Variants in TULP4 observed in about 807,000 individuals in gnomAD.
TULP4 encodes the protein tubby-related protein 4.
In TULP4, 16 loss-of-function variants were observed where a neutral mutation model predicts 129.0. That is an observed-to-expected ratio of 0.12 (90% CI 0.08 to 0.19). TULP4 has a LOEUF of 0.19. TULP4 is among the 10% of genes least tolerant of loss of function. The probability of loss-of-function intolerance (pLI) is 1.00; values close to 1 mark genes in which losing one functional copy is unlikely to be tolerated. For missense variants in TULP4, 1,842 were observed against 2,059.1 expected, an observed-to-expected ratio of 0.89 and a Z score of 2.04; for synonymous variants, 998 against 854.0, an observed-to-expected ratio of 1.17 and a Z score of -2.94.
chr6:158,339,693 G>T (rs989693515), intron 1 of TULP4, among the ~76,000 whole-genome samples: 1 of 151,996 alleles, frequency 6.6e-6, no homozygotes, highest in Non-Finnish European at 1.5e-5. Flanking sequence ...TGTCCTGTGC[G>T]GCCCACAGGC....
intron 1 of TULP4, among the ~76,000 whole-genome samples, chr6:158,325,388 T>C (rs1779723787): frequency 6.6e-6 from 1 of 150,434 alleles, no homozygotes; most frequent in Non-Finnish European, 1.5e-5. Context: ...AGTCTTACTC[T>C]GTCTCCCAGG....
At chr6:158,451,104 A>G (rs1314056561) in intron 4 of TULP4, among the ~76,000 whole-genome samples, 1 of 150,930 alleles carries the variant, frequency 6.6e-6, no homozygotes, top group African/African-American at 2.4e-5. Context: ...AAAAGAAAGG[A>G]AAAAAAAACA....
chr6:158,351,480 G>A (rs942916569), intron 1 of TULP4, among the ~76,000 whole-genome samples: 1 of 152,124 alleles, frequency 6.6e-6, no homozygotes, highest in African/African-American at 2.4e-5. Flanking sequence ...AATTAAAATT[G>A]TATTGCCTGT....
chr6:158,432,096 G>GA (rs762591940), intron 3 of TULP4, among the ~76,000 whole-genome samples: 22,845 of 105,060 alleles, frequency 0.22, 2,642 homozygotes, highest in Middle Eastern at 0.29. Flanking sequence ...CCCCATCTCT[G>GA]AAAAAAAAAA....
upstream of TULP4, among the ~76,000 whole-genome samples, chr6:158,309,857 T>C (rs1318195210): frequency 7.6e-6 from 1 of 132,126 alleles, no homozygotes. Flanking sequence ...CAGCTTCGGC[T>C]TGGCATCAGA....
At chr6:158,476,420 C>A (rs600752) in intron 6 of TULP4, among the ~76,000 whole-genome samples, 17,061 of 152,206 alleles carry the variant, frequency 0.11, 1,046 homozygotes, top group African/African-American at 0.13. Flanking sequence ...TAATTTCAGC[C>A]CTTTTTCTCC....
chr6:158,501,949 A>C lies in TULP4; in HGVS notation c.2286A>C (p.Glu762Asp). ...NPGQVIFGSVEMGRIIQNPPP... is the reference protein window; with the variant it reads ...NPGQVIFGSVDMGRIIQNPPP... ...GACAGGTGATTTTCGGAAGCGTGGA[A>C]ATGGGCCGCATCATTCAGAACCCCC... is the stretch of plus-strand genomic sequence containing the variant. The change falls in exon 13 of 14, where the codon GAA (glutamate) becomes GAC (aspartate). Residue 762 changes from glutamate to aspartate, a missense_variant. Glu to Asp is a conservative substitution (Grantham distance 45). Coordinates refer to ENST00000367097, the MANE Select transcript of TULP4 (RefSeq NM_020245.5). 6.2e-7 allele frequency: 1 copy of C among 1,613,934 alleles called. No homozygotes were observed. The highest frequency in any genetic ancestry group is 8.5e-7 in the Non-Finnish European group (1 of 1,179,962).
chr6:158,376,295 G>A (rs560067649), intron 1 of TULP4, among the ~76,000 whole-genome samples: 134 of 152,300 alleles, frequency 8.8e-4, no homozygotes, highest in African/African-American at 2.5e-3. Flanking sequence ...GGCCACAGTC[G>A]AATGGTGGGT....
At chr6:158,454,703 T>A (rs565083201) in intron 5 of TULP4, among the ~76,000 whole-genome samples, 2 of 152,114 alleles carry the variant, frequency 1.3e-5, no homozygotes, top group African/African-American at 4.8e-5. Context: ...CCTCCCAGTT[T>A]CAAGTGATTC....
Position 158,238,092 on chromosome 6 carries a change from A to G in TULP4, n.68+5789A>G, listed in dbSNP as rs996120146. ...TATTAAATCTTCTTCATGGCTACAC[A>G]TGGTCACTAATGCAGACACCATGCC... On this transcript the variant is annotated intron_variant and non_coding_transcript_variant, in intron 1 of 1. Coordinates refer to the TULP4 transcript ENST00000620026. 2.8e-5 allele frequency: 20 copies of G among 718,318 alleles called. No individual in the cohort carries two copies. In the Admixed American group the frequency reaches 2.9e-4, roughly 10 times the overall value. The allele number at this position is 718,318 out of a possible 1,614,324, so 44.5% of individuals were successfully genotyped here.
intron 1 of TULP4, among the ~76,000 whole-genome samples, chr6:158,352,106 A>G (rs1175817972): frequency 6.6e-6 from 1 of 152,190 alleles, no homozygotes; most frequent in East Asian, 1.9e-4. Context: ...GTTAGTCTGT[A>G]CAAATTCTTT....
chr6:158,252,595 C>T (rs1166238089), intron 1 of TULP4, among the ~76,000 whole-genome samples: 1 of 151,972 alleles, frequency 6.6e-6, no homozygotes, highest in East Asian at 1.9e-4. Flanking sequence ...AGGATGGTCT[C>T]GATCTCTTGA....
Position 158,314,097 on chromosome 6 carries a change from C to G in TULP4, c.81C>G (p.Pro27=), listed in dbSNP as rs751287104. The G allele has an allele frequency of 2.2e-5, 36 of 1,614,146 alleles. No individual in the cohort carries two copies. The Admixed American group carries it at 5.2e-4, about 23-fold the overall frequency. Residue 27 remains proline (P), a synonymous_variant, in exon 1 of 14, where the codon CCC becomes CCG. Transcript: ENST00000367097. ...ILCLSWKGRV[P]KSEKEKPVCR... Reference sequence around the variant, plus strand: ...GCCTGTCCTGGAAGGGGCGTGTCCCCAAGAGTGAGAAGGAGAAGCCTGTGT... The same window carrying G: ...GCCTGTCCTGGAAGGGGCGTGTCCCGAAGAGTGAGAAGGAGAAGCCTGTGT...
At chr6:158,446,367 A>T (rs1442687594) in intron 3 of TULP4, among the ~76,000 whole-genome samples, 2 of 152,128 alleles carry the variant, frequency 1.3e-5, no homozygotes, top group African/African-American at 4.8e-5. Flanking sequence ...GTTGTAATTC[A>T]TTAATGGTAG....
At chr6:158,303,142 A>G (rs1443022419) in intron 1 of TULP4, among the ~76,000 whole-genome samples, 1 of 151,156 alleles carries the variant, frequency 6.6e-6, no homozygotes, top group Non-Finnish European at 1.5e-5. Context: ...TTTCACTGTC[A>G]GAGCCCATCC....
At chr6:158,490,356 T>G (rs1780172563) in intron 9 of TULP4, among the ~76,000 whole-genome samples, 1 of 152,198 alleles carries the variant, frequency 6.6e-6, no homozygotes, top group Admixed American at 6.5e-5. Context: ...ATTGTGCCAC[T>G]GCACTTCAGC....
At chr6:158,234,158 A>C (rs1269115607) in intron 1 of TULP4, among the ~76,000 whole-genome samples, 1 of 152,186 alleles carries the variant, frequency 6.6e-6, no homozygotes, top group East Asian at 1.9e-4. Context: ...GTGTGTATAA[A>C]TCATATTTAT....
chr6:158,459,234 C>T (rs1252523718), intron 5 of TULP4, among the ~76,000 whole-genome samples: 1 of 152,106 alleles, frequency 6.6e-6, no homozygotes, highest in African/African-American at 2.4e-5. Context: ...AAGTTGAGAC[C>T]AGCCTGACCA....
chr6:158,489,571 G>A lies in TULP4; in HGVS notation c.1487-17G>A. The A allele has an allele frequency of 6.2e-7, 1 of 1,613,894 alleles. No homozygotes were observed. The highest frequency in any genetic ancestry group is 8.5e-7 in the Non-Finnish European group (1 of 1,179,968). Reference sequence around the variant, plus strand: ...GATATAACTTCCCTTGAAATCTGCTGGTTGGTGTTTTACCAGATGAAATCT... The same window carrying A: ...GATATAACTTCCCTTGAAATCTGCTAGTTGGTGTTTTACCAGATGAAATCT... On this transcript the variant is annotated splice_polypyrimidine_tract_variant and intron_variant, in intron 8 of 13. Coordinates refer to ENST00000367097, the MANE Select transcript of TULP4 (RefSeq NM_020245.5).
Sources: allele counts gnomAD v4.1 joint callset (sites outside exome capture counted in the v4.1 genomes callset), GRCh38; gene constraint gnomAD v4.1.1; transcripts MANE v1.5; gene names NCBI Gene and HGNC (gene_info 2026-07-23, HGNC 2026-07-21).